MCU: variants seen among roughly 807,000 people sequenced by gnomAD.
The protein encoded by MCU is calcium uniporter protein, mitochondrial.
A neutral mutation model predicts 45.2 loss-of-function variants in MCU; 12 were observed. The ratio of observed to expected loss-of-function variants is 0.27; its 90% CI spans 0.17 to 0.43. The LOEUF is 0.43. Among genes scored for constraint, MCU ranks in the 20% least tolerant of loss-of-function variants. The probability of loss-of-function intolerance (pLI) is 1.00; values close to 1 mark genes in which losing one functional copy is unlikely to be tolerated. For missense variants in MCU, 324 were observed against 436.7 expected (o/e 0.74, Z 2.30); for synonymous variants, 160 against 165.1 (o/e 0.97, Z 0.24).
At chr10:72,832,777 C>G (rs935470496) in intron 1 of MCU, among the ~76,000 whole-genome samples, 34 of 152,100 alleles carry the variant, frequency 2.2e-4, no homozygotes, top group Non-Finnish European at 4.4e-4. Context: ...CCACTTTTTG[C>G]CCATTTTTCA....
At chr10:72,827,751 A>T (rs910406234) in intron 1 of MCU, among the ~76,000 whole-genome samples, 3 of 152,174 alleles carry the variant, frequency 2.0e-5, no homozygotes, top group Non-Finnish European at 2.9e-5. Flanking sequence ...AGCCTTGTGA[A>T]ATAGTTTTAT....
intron 2 of MCU, among the ~76,000 whole-genome samples, chr10:72,850,851 T>A (rs1433619691): frequency 1.3e-5 from 2 of 152,354 alleles, no homozygotes; most frequent in South Asian, 2.1e-4. Flanking sequence ...AGCAAAAGAT[T>A]AAAAAATTCA....
chr10:72,861,676 TA>T, intron 4 of MCU: 1 of 381,714 alleles, frequency 2.6e-6, no homozygotes, highest in Non-Finnish European at 5.0e-6. Flanking sequence ...TTTTTTTTTT[TA>T]GTAGAGATGG....
chr10:72,692,326 C>T (rs1412535114), intron 1 of MCU, 25 bp downstream of exon 1: 6 of 1,196,714 alleles, frequency 5.0e-6, no homozygotes, highest in Admixed American at 4.5e-5. Context: ...CCGGAGGCTC[C>T]GGGGAGGGCG....
intron 1 of MCU, among the ~76,000 whole-genome samples, chr10:72,797,418 G>A (rs766041364): frequency 2.0e-5 from 3 of 150,748 alleles, no homozygotes; most frequent in Non-Finnish European, 4.4e-5. Flanking sequence ...TAGAGGCAGG[G>A]TTTCATCATG....
intron 1 of MCU, among the ~76,000 whole-genome samples, chr10:72,782,664 G>A (rs1180960640): frequency 3.3e-5 from 5 of 152,142 alleles, no homozygotes; most frequent in East Asian, 1.9e-4. Context: ...TACCACGCCC[G>A]GCCCATAATC....
intron 1 of MCU, among the ~76,000 whole-genome samples, chr10:72,744,569 A>C (rs777877004): frequency 3.3e-5 from 5 of 152,148 alleles, no homozygotes; most frequent in Non-Finnish European, 5.9e-5. Context: ...GGCGGAGGTT[A>C]CAGTGAGCCG....
intron 2 of MCU, among the ~76,000 whole-genome samples, chr10:72,843,301 C>G (rs539246135): frequency 2.0e-4 from 30 of 152,312 alleles, no homozygotes; most frequent in African/African-American, 7.2e-4. Flanking sequence ...TGTGCTCTAT[C>G]TATTCATGTC....
rs986862005 is a variant in MCU, at chr10:72,700,058, A to T, written c.150+7757A>T. 3.3e-3 allele frequency among the ~76,000 whole-genome samples: 453 copies of T among 135,378 alleles called. 1 individual carries two copies. Among genetic ancestry groups the T allele is most frequent in the African/African-American group, 0.011 (413 of 36,252 alleles). 88.8% of individuals were successfully genotyped at this position (135,378 alleles called of 152,430 possible). Reference sequence around the variant, plus strand: ...GTTCTAAAAAGTGGATTGGGGTCAAATTTTTTTTTTTTTTTTTTGAGATGG... The same window carrying T: ...GTTCTAAAAAGTGGATTGGGGTCAATTTTTTTTTTTTTTTTTTTGAGATGG... On this transcript the variant is annotated intron_variant, in intron 1 of 7. Transcript: ENST00000373053.
chr10:72,878,135 T>C (rs1589510452), intron 6 of MCU, among the ~76,000 whole-genome samples: 2 of 140,708 alleles, frequency 1.4e-5, no homozygotes, highest in South Asian at 2.3e-4. Flanking sequence ...TTTTTTTTTT[T>C]TGAGACAGAG....
At chr10:72,847,760 T>G (rs1486717539) in intron 2 of MCU, among the ~76,000 whole-genome samples, 1 of 152,200 alleles carries the variant, frequency 6.6e-6, no homozygotes, top group Non-Finnish European at 1.5e-5. Context: ...CAGTTTGTAG[T>G]CTTTTGAGGG....
intron 1 of MCU, chr10:72,712,268 G>A (rs958053034): frequency 2.6e-5 from 4 of 152,068 alleles, no homozygotes; most frequent in African/African-American, 9.7e-5. Context: ...TTTTTGGTGT[G>A]GAATGTCCTC....
intron 4 of MCU, among the ~76,000 whole-genome samples, chr10:72,865,091 C>G (rs187490996): frequency 8.9e-4 from 136 of 152,188 alleles, no homozygotes; most frequent in African/African-American, 2.7e-3. Context: ...CCAACCATTC[C>G]TGTAATAACC....
chr10:72,693,860 C>T (rs142982531), intron 1 of MCU, among the ~76,000 whole-genome samples: 16 of 152,330 alleles, frequency 1.1e-4, no homozygotes, highest in Non-Finnish European at 1.6e-4. Flanking sequence ...TTAAAGGCTT[C>T]CCAAGTTGTC....
chr10:72,851,553 G>A (rs554623959), intron 2 of MCU, among the ~76,000 whole-genome samples: 1 of 152,272 alleles, frequency 6.6e-6, no homozygotes, highest in South Asian at 2.1e-4. Flanking sequence ...GGTTGTGGAT[G>A]CAGTCATAGG....
At chr10:72,812,342 C>T (rs1208411793) in intron 1 of MCU, among the ~76,000 whole-genome samples, 1 of 151,958 alleles carries the variant, frequency 6.6e-6, no homozygotes, top group Non-Finnish European at 1.5e-5. Flanking sequence ...GGCGGGGTTT[C>T]ACCATGTTGG....
At chr10:72,826,893 C>T (rs952844018) in intron 1 of MCU, among the ~76,000 whole-genome samples, 1 of 152,166 alleles carries the variant, frequency 6.6e-6, no homozygotes, top group African/African-American at 2.4e-5. Flanking sequence ...ATCCCACGTA[C>T]AGTACAATAA....
At chr10:72,761,312 T>A (rs1183864750) in intron 1 of MCU, among the ~76,000 whole-genome samples, 4 of 152,210 alleles carry the variant, frequency 2.6e-5, no homozygotes, top group Non-Finnish European at 4.4e-5. Context: ...CAAATGAGCC[T>A]ACATTTGTAA....
At chr10:72,750,560 CTT>C (rs1843479695) in intron 1 of MCU, among the ~76,000 whole-genome samples, 1 of 152,118 alleles carries the variant, frequency 6.6e-6, no homozygotes, top group Non-Finnish European at 1.5e-5. Context: ...ATCCAGTAGG[CTT>C]TTACATTTTC....
Sources: allele counts gnomAD v4.1 joint callset (sites outside exome capture counted in the v4.1 genomes callset), GRCh38; gene constraint gnomAD v4.1.1; transcripts MANE v1.5; gene names NCBI Gene and HGNC (gene_info 2026-07-23, HGNC 2026-07-21).